RAB40AL: variants seen among roughly 807,000 people sequenced by gnomAD.
RAB40AL encodes the protein ras-related protein Rab-40A-like.
For synonymous variants in RAB40AL, 65 were observed against 95.2 expected, an observed-to-expected ratio of 0.68 and a Z score of 1.85; for missense variants, 171 against 226.7, an observed-to-expected ratio of 0.75 and a Z score of 1.58.
Position 102,938,109 on chromosome X carries a change from A to G in RAB40AL, c.791A>G (p.Gln264Arg). The G allele has an allele frequency of 8.5e-7, 1 of 1,179,285 alleles. No individual in the cohort carries two copies. Among genetic ancestry groups the G allele is most frequent in the Non-Finnish European group, 1.2e-6 (1 of 868,753 alleles). Reference sequence around the variant, plus strand: ...AAAGTGAAGATCGTCTGCCCACCCCAGAGCCCACCCAAAAACTGCACCAGA... The same window carrying G: ...AAAGTGAAGATCGTCTGCCCACCCCGGAGCCCACCCAAAAACTGCACCAGA... ...LCKVKIVCPP[Q>R]SPPKNCTRNS... Residue 264 changes from glutamine (Q) to arginine (R), a missense_variant, in exon 1 of 1, where the codon CAG becomes CGG. Gln to Arg is a conservative substitution (Grantham distance 43). Transcript: ENST00000218249.
chrX:102,938,245 A>G lies in RAB40AL; in HGVS notation c.*90A>G. ...AAGAGGGAAGATGCATTCTAGATTC[A>G]AAGAAATACGTTTTCAGTTTCTCAT... On this transcript the variant is annotated 3_prime_UTR_variant, in exon 1 of 1. Transcript: ENST00000218249. 4.6e-6 allele frequency: 5 copies of G among 1,078,861 alleles called. No individual in the cohort carries two copies. The highest frequency in any genetic ancestry group is 6.4e-6 in the Non-Finnish European group (5 of 778,759). The allele number at this position is 1,078,861 out of a possible 1,213,427, so 88.9% of individuals were successfully genotyped here. A position where few individuals can be genotyped will look rare whatever the true frequency, so the allele number is the denominator to read the frequency against.
chrX:102,937,627 G>C lies in RAB40AL; in HGVS notation c.309G>C (p.Glu103Asp), dbSNP rs1418321435. The part of the protein sequence containing the change: ...VYDIANRWSF[E>D]GMDRWIKKIE... ...ACATTGCAAACCGCTGGTCTTTCGA[G>C]GGTATGGATCGATGGATTAAGAAGA... Residue 103 changes from glutamate to aspartate, a missense_variant, in exon 1 of 1, where the codon GAG becomes GAC. By Grantham distance (45) the Glu-to-Asp change is conservative. Coordinates refer to ENST00000218249, the MANE Select transcript of RAB40AL (RefSeq NM_001031834.1). 12 of 1,210,353 alleles carry C rather than the reference G, an allele frequency of 9.9e-6. No individual in the cohort carries two copies. The highest frequency in any genetic ancestry group is 3.0e-5 in the East Asian group (1 of 33,795).
Position 102,938,052 on chromosome X carries a change from C to G in RAB40AL, c.734C>G (p.Thr245Ser), listed in dbSNP as rs201700334. ...CGAGGCCTCTCCTACTCCCTCACCA[C>G]CAGCTCCACTCACAAAAGGAGCAGC... is the stretch of plus-strand genomic sequence containing the variant. ...MMRGLSYSLT[T>S]SSTHKRSSLC... Residue 245 changes from threonine (T) to serine (S), a missense_variant, in exon 1 of 1, where the codon ACC becomes AGC. Transcript: ENST00000218249. 8.3e-7 allele frequency: 1 copy of G among 1,210,295 alleles called. No individual in the cohort carries two copies. The highest frequency in any genetic ancestry group is 2.2e-5 in the Admixed American group (1 of 45,806).
At position 102,937,739 on chromosome X, in the gene RAB40AL, G is replaced by A. The variant is rs1475530047; in HGVS notation, c.421G>A (p.Ala141Thr). ...AFKRQVPREQ[A>T]QAYAERLGVT... is the part of the protein sequence containing the mutation. ...CAAGAGGCAGGTGCCCAGGGAGCAG[G>A]CCCAGGCCTACGCCGAGCGCCTGGG... Residue 141 changes from alanine to threonine, a missense_variant, in exon 1 of 1, where the codon GCC becomes ACC. Coordinates refer to ENST00000218249, the MANE Select transcript of RAB40AL (RefSeq NM_001031834.1). The A allele has an allele frequency of 4.1e-6, 5 of 1,210,323 alleles. No individual in the cohort carries two copies. The African/African-American group carries it at 5.2e-5, about 13-fold the overall frequency.
chrX:102,938,094 T>A lies in RAB40AL; in HGVS notation c.776T>A (p.Ile259Asn). 1 of 1,211,731 alleles carries A rather than the reference T, an allele frequency of 8.3e-7. No individual in the cohort carries two copies. Among genetic ancestry groups the A allele is most frequent in the East Asian group, 3.0e-5 (1 of 33,817 alleles). The change falls in exon 1 of 1, where the codon ATC becomes AAC. Residue 259 changes from isoleucine to asparagine, a missense_variant. Transcript: ENST00000218249. The part of the protein sequence containing the change: ...HKRSSLCKVK[I>N]VCPPQSPPKN... ...AGGAGCAGCCTCTGCAAAGTGAAGA[T>A]CGTCTGCCCACCCCAGAGCCCACCC...
chrX:102,937,339 C>A lies in RAB40AL; in HGVS notation c.21C>A (p.Pro7=). The A allele has an allele frequency of 8.3e-7, 1 of 1,211,747 alleles. No individual in the cohort carries two copies. The highest frequency in any genetic ancestry group is 1.1e-6 in the Non-Finnish European group (1 of 895,382). ...GCACGATGAGCGCCCCGGGCAGCCC[C>A]GACCAGGCCTACGACTTCCTGCTCA... MSAPGS[P]DQAYDFLLKF... is the part of the protein sequence containing the mutation. The change falls in exon 1 of 1, where the codon CCC becomes CCA. Residue 7 remains proline (P), a synonymous_variant. Coordinates refer to ENST00000218249, the MANE Select transcript of RAB40AL (RefSeq NM_001031834.1).
rs780406762 is a variant in RAB40AL, at chrX:102,937,613, C to T, written c.295C>T (p.Arg99Cys). The T allele has an allele frequency of 8.3e-7, 1 of 1,210,112 alleles. No homozygotes were observed. Among genetic ancestry groups the T allele is most frequent in the Non-Finnish European group, 1.1e-6 (1 of 894,865 alleles). Residue 99 changes from arginine to cysteine, a missense_variant, in exon 1 of 1, where the codon CGC (arginine) becomes TGC (cysteine). Arg to Cys is a radical substitution (Grantham distance 180). Transcript: ENST00000218249. ...GVILVYDIANRWSFEGMDRWI... is the reference protein window; with the variant it reads ...GVILVYDIANCWSFEGMDRWI... ...GATCCTGGTCTACGACATTGCAAAC[C>T]GCTGGTCTTTCGAGGGTATGGATCG...
chrX:102,937,272 C>G lies in RAB40AL; in HGVS notation c.-47C>G. 8.6e-7 allele frequency: 1 copy of G among 1,166,943 alleles called. No individual in the cohort carries two copies. The highest frequency in any genetic ancestry group is 1.2e-6 in the Non-Finnish European group (1 of 864,354). On this transcript the variant is annotated 5_prime_UTR_variant, in exon 1 of 1. Coordinates refer to ENST00000218249, the MANE Select transcript of RAB40AL (RefSeq NM_001031834.1). ...AAAAATAGGCCCGGCACCGCCTCTG[C>G]GCACAACCTTGCTGGTCTGGCCCAG...
Position 102,937,765 on chromosome X carries a change from C to A in RAB40AL, c.447C>A (p.Gly149=). Residue 149 remains glycine, a synonymous_variant, in exon 1 of 1, where the codon GGC becomes GGA. Coordinates refer to ENST00000218249, the MANE Select transcript of RAB40AL (RefSeq NM_001031834.1). ...CCCAGGCCTACGCCGAGCGCCTGGG[C>A]GTGACCTTCTTTGAGGTCAGCCCTC... ...EQAQAYAERL[G]VTFFEVSPLC... 1 of 1,207,561 alleles carries A rather than the reference C, an allele frequency of 8.3e-7. No individual in the cohort carries two copies.
rs2084568173 is a variant in RAB40AL, at chrX:102,938,273, G to C, written c.*118G>C. 1.1e-6 allele frequency: 1 copy of C among 919,456 alleles called. No individual in the cohort carries two copies. Among genetic ancestry groups the C allele is most frequent in the Non-Finnish European group, 1.5e-6 (1 of 648,869 alleles). 75.8% of individuals were successfully genotyped at this position (919,456 alleles called of 1,213,427 possible). On this transcript the variant is annotated 3_prime_UTR_variant, in exon 1 of 1. Transcript: ENST00000218249. ...GAAATACGTTTTCAGTTTCTCATGGGAACAATGCTGCTTGGGAATGTGTGT... is the reference window on the plus strand; with the variant it reads ...GAAATACGTTTTCAGTTTCTCATGGCAACAATGCTGCTTGGGAATGTGTGT...
chrX:102,937,894 G>A lies in RAB40AL; in HGVS notation c.576G>A (p.Leu192=). Residue 192 remains leucine, a synonymous_variant, in exon 1 of 1, where the codon TTG becomes TTA. Coordinates refer to ENST00000218249, the MANE Select transcript of RAB40AL (RefSeq NM_001031834.1). ...WLGRPSKVLS[L]QDLCCRTIVS... is the part of the protein sequence containing the mutation. Reference sequence around the variant, plus strand: ...GGAGGCCGAGCAAGGTACTGAGCTTGCAAGACCTCTGCTGCCGCACCATCG... The same window carrying A: ...GGAGGCCGAGCAAGGTACTGAGCTTACAAGACCTCTGCTGCCGCACCATCG... 1 of 1,212,263 alleles carries A rather than the reference G, an allele frequency of 8.2e-7. No individual in the cohort carries two copies. Among genetic ancestry groups the A allele is most frequent in the Non-Finnish European group, 1.1e-6 (1 of 895,620 alleles).
Position 102,937,299 on chromosome X carries a change from C to CG in RAB40AL, c.-14dup, listed in dbSNP as rs751542619. The CG allele has an allele frequency of 5.8e-6, 7 of 1,201,036 alleles. No homozygotes were observed. Among genetic ancestry groups the CG allele is most frequent in the South Asian group, 3.6e-5 (2 of 55,692 alleles). On this transcript the variant is annotated 5_prime_UTR_variant, in exon 1 of 1. Transcript: ENST00000218249. ...CACAACCTTGCTGGTCTGGCCCAGG[C>CG]GGGGGGCGGGGCCAGCACGATGAGC...
chrX:102,937,514 A>G lies in RAB40AL; in HGVS notation c.196A>G (p.Lys66Glu). ...GCTGGACGGCCAGCGGGTGAAGCTGAAGCTCTGGGATACGTCGGGGCAGGG... is the reference window on the plus strand; with the variant it reads ...GCTGGACGGCCAGCGGGTGAAGCTGGAGCTCTGGGATACGTCGGGGCAGGG... ...ILLDGQRVKL[K>E]LWDTSGQGRF... Residue 66 changes from lysine to glutamate, a missense_variant, in exon 1 of 1, where the codon AAG becomes GAG. By Grantham distance (56) the Lys-to-Glu change is moderately conservative (BLOSUM62 1). Coordinates refer to ENST00000218249, the MANE Select transcript of RAB40AL (RefSeq NM_001031834.1). 1 of 1,211,679 alleles carries G rather than the reference A, an allele frequency of 8.3e-7. No homozygotes were observed. The highest frequency in any genetic ancestry group is 1.1e-6 in the Non-Finnish European group (1 of 895,483).
chrX:102,938,022 T>G lies in RAB40AL; in HGVS notation c.704T>G (p.Met235Arg), dbSNP rs754869262. The G allele has an allele frequency of 7.4e-5, 89 of 1,210,276 alleles. No homozygotes were observed. Among genetic ancestry groups the G allele is most frequent in the Non-Finnish European group, 9.4e-5 (84 of 895,334 alleles). ...ATGGCTAAGGGCCTGAATGCCAGGA[T>G]GATGCGAGGCCTCTCCTACTCCCTC... ...FSMAKGLNAR[M>R]MRGLSYSLTT... The change falls in exon 1 of 1, where the codon ATG becomes AGG. Residue 235 changes from methionine (M) to arginine (R), a missense_variant. Met to Arg is a moderately conservative substitution (Grantham distance 91). Transcript: ENST00000218249.
rs5945909 is a variant in RAB40AL at position 102,937,333 on chromosome X, C to A, written c.15C>A (p.Gly5=). 1 of 1,211,132 alleles carries A rather than the reference C, an allele frequency of 8.3e-7. No individual in the cohort carries two copies. Among genetic ancestry groups the A allele is most frequent in the South Asian group, 1.8e-5 (1 of 56,838 alleles). MSAP[G]SPDQAYDFLL... ...GGGCCAGCACGATGAGCGCCCCGGG[C>A]AGCCCCGACCAGGCCTACGACTTCC... Residue 5 remains glycine (G), a synonymous_variant, in exon 1 of 1, where the codon GGC becomes GGA. Coordinates refer to ENST00000218249, the MANE Select transcript of RAB40AL (RefSeq NM_001031834.1).
Position 102,937,794 on chromosome X carries a change from G to A in RAB40AL, c.476G>A (p.Cys159Tyr), listed in dbSNP as rs761965799. ...GVTFFEVSPL[C>Y]NFNIIESFTE... ...ACCTTCTTTGAGGTCAGCCCTCTGT[G>A]CAATTTCAACATCATAGAGTCTTTC... The change falls in exon 1 of 1, where the codon TGC (cysteine) becomes TAC (tyrosine). Residue 159 changes from cysteine (C) to tyrosine (Y), a missense_variant. By Grantham distance (194) the Cys-to-Tyr change is radical (BLOSUM62 -2). Coordinates refer to ENST00000218249, the MANE Select transcript of RAB40AL (RefSeq NM_001031834.1). The A allele has an allele frequency of 5.4e-5, 65 of 1,209,487 alleles. No individual in the cohort carries two copies. The highest frequency in any genetic ancestry group is 6.5e-5 in the Admixed American group (3 of 45,884).
Position 102,937,837 on chromosome X carries a change from A to G in RAB40AL, c.519A>G (p.Ile173Met), listed in dbSNP as rs144996990. The G allele has an allele frequency of 1.6e-5, 19 of 1,210,170 alleles. No individual in the cohort carries two copies. The highest frequency in any genetic ancestry group is 1.9e-5 in the Non-Finnish European group (17 of 895,302). Residue 173 changes from isoleucine to methionine, a missense_variant, in exon 1 of 1, where the codon ATA becomes ATG. By Grantham distance (10) the Ile-to-Met change is conservative. Coordinates refer to ENST00000218249, the MANE Select transcript of RAB40AL (RefSeq NM_001031834.1). Reference sequence around the variant, plus strand: ...AGTCTTTCACGGAGCTGGCCAGGATAGTGCTGCTGCGGCACAGGTTGAACT... The same window carrying G: ...AGTCTTTCACGGAGCTGGCCAGGATGGTGCTGCTGCGGCACAGGTTGAACT... ...IIESFTELAR[I>M]VLLRHRLNWL...
At position 102,938,025 on chromosome X, in the gene RAB40AL, TGCGAG is replaced by T; in HGVS notation, c.710_714del (p.Arg237ProfsTer58). ...GCTAAGGGCCTGAATGCCAGGATGA[TGCGAG>T]GCCTCTCCTACTCCCTCACCACCAG... is the stretch of plus-strand genomic sequence containing the variant. On this transcript the variant is annotated frameshift_variant, in exon 1 of 1. Coordinates refer to ENST00000218249, the MANE Select transcript of RAB40AL (RefSeq NM_001031834.1). LOFTEE classifies it low-confidence loss of function (END_TRUNC). The T allele has an allele frequency of 1.7e-6, 2 of 1,211,952 alleles. No individual in the cohort carries two copies. The highest frequency in any genetic ancestry group is 2.2e-5 in the Admixed American group (1 of 46,052).
rs776708915 is a variant in RAB40AL, at chrX:102,937,659, A to G, written c.341A>G (p.Glu114Gly). 1 of 1,207,680 alleles carries G rather than the reference A, an allele frequency of 8.3e-7. No individual in the cohort carries two copies. Among genetic ancestry groups the G allele is most frequent in the East Asian group, 3.0e-5 (1 of 33,624 alleles). ...GMDRWIKKIEEHAPGVPKILV... is the reference protein window; with the variant it reads ...GMDRWIKKIEGHAPGVPKILV... ...GATCGATGGATTAAGAAGATTGAGG[A>G]ACATGCCCCTGGTGTCCCTAAAATC... The change falls in exon 1 of 1, where the codon GAA becomes GGA. Residue 114 changes from glutamate to glycine, a missense_variant. By Grantham distance (98) the Glu-to-Gly change is moderately conservative. Transcript: ENST00000218249.
Sources: allele counts gnomAD v4.1 joint callset, GRCh38; gene constraint gnomAD v4.1.1; transcripts MANE v1.5; gene names NCBI Gene and HGNC (gene_info 2026-07-23, HGNC 2026-07-21).